Variants in ZMYM6 observed in about 807,000 individuals in gnomAD.
ZMYM6 encodes the protein zinc finger MYM-type containing 6.
ZMYM6 carries 90 observed loss-of-function variants against 134.0 expected under a neutral mutation model. The observed-to-expected ratio is 0.67, with a 90% confidence interval of 0.57 to 0.80. The LOEUF is 0.80. ZMYM6 is among the 30% of genes least tolerant of loss of function. The pLI, the probability that ZMYM6 is intolerant of heterozygous loss-of-function variation, is 0.00. For synonymous variants in ZMYM6, 481 were observed against 524.1 expected (o/e 0.92, Z 1.12); for missense variants, 1,362 against 1,533.9 (o/e 0.89, Z 1.87).
At chr1:35,019,647 A>T (rs1438591376) in intron 3 of ZMYM6, 45 bp from the exon 4 acceptor site, 1 of 1,527,590 alleles carries the variant, frequency 6.5e-7, no homozygotes, top group African/African-American at 1.4e-5. Flanking sequence ...ATACTAATGC[A>T]TATACAGTCT....
intron 2 of ZMYM6, among the ~76,000 whole-genome samples, chr1:35,022,622 T>C (rs1641330768): frequency 1.3e-5 from 2 of 152,112 alleles, no homozygotes; most frequent in South Asian, 4.1e-4. Flanking sequence ...TATAAAGTAA[T>C]TACTACAATG....
At position 34,987,080 on chromosome 1, in the gene ZMYM6, C is replaced by T. The variant is rs1640589382; in HGVS notation, c.*24G>A. 2 of 1,437,766 alleles carry T rather than the reference C, an allele frequency of 1.4e-6. No individual in the cohort carries two copies. The highest frequency in any genetic ancestry group is 1.4e-5 in the African/African-American group (1 of 69,878). 89.1% of individuals were successfully genotyped at this position (1,437,766 alleles called of 1,614,324 possible). A position where few individuals can be genotyped will look rare whatever the true frequency, so the allele number is the denominator to read the frequency against. On this transcript the variant is annotated 3_prime_UTR_variant, in exon 16 of 16. Transcript: ENST00000357182. ...AAACTTAACACAGGATTATTGACTT[C>T]ACTGTTAAGCAATGTGCATATTGCT... is the stretch of plus-strand genomic sequence containing the variant.
intron 15 of ZMYM6, 154 bp downstream of exon 15, chr1:34,992,080 A>G: frequency 1.1e-6 from 1 of 931,050 alleles, no homozygotes. Flanking sequence ...TAATTATGAA[A>G]GCAATAAATT....
chr1:35,012,431 C>T lies in ZMYM6; in HGVS notation c.946G>A (p.Gly316Ser). The change falls in exon 7 of 16, where the codon GGT becomes AGT. Residue 316 changes from glycine (G) to serine (S), a missense_variant and splice_region_variant. Transcript: ENST00000357182. ...AYRVKTVTSS[G>S]VQVSCHSCKT... Reference sequence around the variant, plus strand: ...TAAATTTATCAAATTTAAACATTACCTGAAGAAGTAACAGTCTTAACTCTG... The same window carrying T: ...TAAATTTATCAAATTTAAACATTACTTGAAGAAGTAACAGTCTTAACTCTG... 1.3e-6 allele frequency: 2 copies of T among 1,518,710 alleles called. No individual in the cohort carries two copies. Among genetic ancestry groups the T allele is most frequent in the Non-Finnish European group, 1.8e-6 (2 of 1,137,312 alleles). 94.1% of individuals were successfully genotyped at this position (1,518,710 alleles called of 1,614,324 possible).
At chr1:35,011,134 A>T in intron 8 of ZMYM6, 98 bp from the exon 9 acceptor site, 1 of 1,303,120 alleles carries the variant, frequency 7.7e-7, no homozygotes. Flanking sequence ...GTCTCCCACA[A>T]ACATTTTTTA....
At chr1:35,020,179 A>G (rs1356974014) in intron 3 of ZMYM6, among the ~76,000 whole-genome samples, 1 of 152,168 alleles carries the variant, frequency 6.6e-6, no homozygotes, top group Non-Finnish European at 1.5e-5. Context: ...TTATGAAACA[A>G]TATGTTTCCT....
chr1:35,022,053 A>G (rs1009699218), intron 2 of ZMYM6, among the ~76,000 whole-genome samples: 8 of 152,256 alleles, frequency 5.3e-5, no homozygotes, highest in Non-Finnish European at 8.8e-5. Context: ...AAGTTACTTT[A>G]GAAATTTCTT....
In ZMYM6 at chr1:35,005,187, T is replaced by A. The variant is rs1279262349; in HGVS notation, c.1899A>T (p.Ser633=). 3.1e-6 allele frequency: 5 copies of A among 1,614,160 alleles called. No homozygotes were observed. The highest frequency in any genetic ancestry group is 3.4e-6 in the Non-Finnish European group (4 of 1,180,002). ...DTTPVITSVM[S]LAKIPATLST... ...ATAAGGTAGCAGGTATTTTTGCCAA[T>A]GACATCACACTGGTTATAACTGGTG... The change falls in exon 13 of 16, where the codon TCA becomes TCT. Residue 633 remains serine, a synonymous_variant. Transcript: ENST00000357182.
rs1166494189 is a variant in ZMYM6 at position 35,008,872 on chromosome 1, A to G, written c.1545T>C (p.Cys515=). Residue 515 remains cysteine, a synonymous_variant, in exon 11 of 16, where the codon TGT becomes TGC. Coordinates refer to ENST00000357182, the MANE Select transcript of ZMYM6 (RefSeq NM_007167.4). ...RDFGERWGNY[C]KMCSYCSQTS... is the part of the protein sequence containing the mutation. ...TCTGTGAACAGTAGCTGCACATCTT[A>G]CAGTAGTTTCCCCATCGTTCTCCAA... The G allele has an allele frequency of 3.7e-6, 6 of 1,613,958 alleles. No homozygotes were observed. The highest frequency in any genetic ancestry group is 5.1e-6 in the Non-Finnish European group (6 of 1,180,008).
intron 2 of ZMYM6, among the ~76,000 whole-genome samples, chr1:35,025,384 G>A (rs1182089402): frequency 3.4e-5 from 5 of 148,828 alleles, no homozygotes; most frequent in African/African-American, 4.9e-5. Flanking sequence ...GGAGAACTGC[G>A]TGAACCCAGG....
At chr1:35,012,844 T>G in intron 6 of ZMYM6, 4 of 985,376 alleles carry the variant, frequency 4.1e-6, no homozygotes, top group Non-Finnish European at 4.8e-6. Flanking sequence ...ATGAATTAAA[T>G]AGTCATTACA....
chr1:35,008,235 C>A (rs1641020025), intron 11 of ZMYM6, among the ~76,000 whole-genome samples: 2 of 152,174 alleles, frequency 1.3e-5, no homozygotes, highest in Admixed American at 6.6e-5. Context: ...AATATACTTA[C>A]CTCTTGGGAC....
chr1:34,989,332 GT>G, intron 15 of ZMYM6: 1 of 761,082 alleles, frequency 1.3e-6, no homozygotes, highest in Non-Finnish European at 1.6e-6. Context: ...GAGCCCTGGA[GT>G]TAGAGACCAG....
chr1:34,995,096 T>C (rs919620959), intron 14 of ZMYM6, among the ~76,000 whole-genome samples: 1 of 145,788 alleles, frequency 6.9e-6, no homozygotes, highest in African/African-American at 2.6e-5. Flanking sequence ...TATATATGTA[T>C]GTATATACGT....
intron 14 of ZMYM6, among the ~76,000 whole-genome samples, chr1:34,999,894 A>C (rs1640850497): frequency 6.6e-6 from 1 of 152,114 alleles, no homozygotes; most frequent in South Asian, 2.1e-4. Flanking sequence ...CACACAGGAG[A>C]CATATACAAG....
chr1:35,004,608 C>CAA (rs898075557), intron 13 of ZMYM6, among the ~76,000 whole-genome samples: 1 of 142,826 alleles, frequency 7.0e-6, no homozygotes, highest in Non-Finnish European at 1.5e-5. Flanking sequence ...GACTCCGTCT[C>CAA]AAAAAAAAAA....
intron 14 of ZMYM6, among the ~76,000 whole-genome samples, chr1:34,998,351 T>G (rs1640823143): frequency 6.6e-6 from 1 of 152,218 alleles, no homozygotes. Flanking sequence ...CAGTACCAAT[T>G]GTTTTAACTA....
intron 2 of ZMYM6, among the ~76,000 whole-genome samples, chr1:35,026,620 A>C (rs1453225046): frequency 6.6e-6 from 1 of 152,206 alleles, no homozygotes; most frequent in Non-Finnish European, 1.5e-5. Context: ...TTATATTCAG[A>C]AAGAACATTG....
In ZMYM6 at chr1:35,010,785, G is replaced by T; in HGVS notation, c.1314C>A (p.Ala438=). 4 of 1,574,066 alleles carry T rather than the reference G, an allele frequency of 2.5e-6. No individual in the cohort carries two copies. The highest frequency in any genetic ancestry group is 2.4e-5 in the South Asian group (2 of 83,934). The part of the protein sequence containing the change: ...LKCQHCNHLF[A]TKPELLFYKG... ...TGTAAAAAAGAAGTTCTGGTTTTGT[G>T]GCAAATAGATGGTTACAGTGCTGAC... Residue 438 remains alanine, a synonymous_variant, in exon 9 of 16, where the codon GCC becomes GCA. Coordinates refer to ENST00000357182, the MANE Select transcript of ZMYM6 (RefSeq NM_007167.4).
Sources: allele counts gnomAD v4.1 joint callset (sites outside exome capture counted in the v4.1 genomes callset), GRCh38; gene constraint gnomAD v4.1.1; transcripts MANE v1.5; gene names NCBI Gene and HGNC (gene_info 2026-07-23, HGNC 2026-07-21).